Variants in CEP192 observed in about 807,000 individuals in gnomAD.
The protein encoded by CEP192 is centrosomal protein 192, also known as centrosomal protein of 192 kDa.
CEP192 carries 151 observed loss-of-function variants against 271.8 expected under a neutral mutation model. That is an observed-to-expected ratio of 0.56 (90% CI 0.49 to 0.64). The LOEUF (loss-of-function observed/expected upper bound fraction) is 0.64. CEP192 is among the 30% of genes least tolerant of loss of function. CEP192 has a pLI of 0.00. For missense variants in CEP192, 2,910 were observed against 3,020.5 expected (o/e 0.96, Z 0.86); for synonymous variants, 995 against 1,076.5 (o/e 0.92, Z 1.48).
At chr18:13,072,901 C>T (rs1207260105) in intron 29 of CEP192, 56 bp downstream of exon 29, 3 of 1,517,100 alleles carry the variant, frequency 2.0e-6, no homozygotes, top group East Asian at 2.3e-5. Flanking sequence ...GGAACACTTG[C>T]ATATGCAGAC....
intron 9 of CEP192, among the ~76,000 whole-genome samples, chr18:13,025,419 G>A (rs1362414351): frequency 1.3e-5 from 2 of 151,998 alleles, no homozygotes; most frequent in Non-Finnish European, 2.9e-5. Flanking sequence ...GTCTTGCTAT[G>A]TTGCCCAGTC....
At chr18:13,046,567 A>G (rs772170511) in intron 15 of CEP192, among the ~76,000 whole-genome samples, 15 of 151,892 alleles carry the variant, frequency 9.9e-5, no homozygotes, top group Non-Finnish European at 2.1e-4. Context: ...ATATATTTAT[A>G]TTATTTTAAT....
At chr18:13,057,532 A>G (rs1039893347) in intron 19 of CEP192, 53 bp from the exon 20 acceptor site, 13 of 1,593,796 alleles carry the variant, frequency 8.2e-6, no homozygotes, top group Non-Finnish European at 1.0e-5. Flanking sequence ...TTTGGCTTAT[A>G]ATCAGGGGTT....
At chr18:13,041,430 A>C (rs961735572) in intron 14 of CEP192, among the ~76,000 whole-genome samples, 4 of 152,164 alleles carry the variant, frequency 2.6e-5, no homozygotes, top group African/African-American at 9.7e-5. Flanking sequence ...ATAAAGTTGT[A>C]TAAGATATGC....
At chr18:13,109,012 A>G (rs1037127890) in intron 40 of CEP192, among the ~76,000 whole-genome samples, 2 of 152,262 alleles carry the variant, frequency 1.3e-5, no homozygotes, top group Non-Finnish European at 2.9e-5. Context: ...AAGAACTTAG[A>G]GCTACTATTC....
At chr18:13,092,974 GA>G (rs1178188616) in intron 34 of CEP192, among the ~76,000 whole-genome samples, 1 of 151,984 alleles carries the variant, frequency 6.6e-6, no homozygotes. Flanking sequence ...CTAACACAGT[GA>G]AACCCCGTCT....
rs886231875 is a variant in CEP192, at chr18:13,095,671, T to G, written c.6423T>G (p.Ala2141=). 5 of 1,612,296 alleles carry G rather than the reference T, an allele frequency of 3.1e-6. No homozygotes were observed. In the Admixed American group the frequency reaches 5.0e-5, roughly 16 times the overall value. The change falls in exon 35 of 45, where the codon GCT becomes GCG. Residue 2141 remains alanine, a synonymous_variant. Transcript: ENST00000506447. ...TACCCGAGCACTTGATTCTGGTAGC[T>G]CCTTCTCCTTGTGAGTATGTCAACT... ...TVLPEHLILV[A]PSPCDMAKTG...
chr18:13,100,610 T>C, intron 38 of CEP192, 98 bp downstream of exon 38: 1 of 951,364 alleles, frequency 1.1e-6, no homozygotes, highest in Non-Finnish European at 1.6e-6. Flanking sequence ...ATAAATTTCC[T>C]CCTACTTCAG....
intron 12 of CEP192, 144 bp downstream of exon 12, chr18:13,037,445 T>C: frequency 2.0e-6 from 1 of 488,574 alleles, no homozygotes; most frequent in Non-Finnish European, 3.6e-6. Flanking sequence ...TTCTGCTTTT[T>C]CCCTCATACT....
At chr18:12,995,586 A>G (rs1221807452) in intron 1 of CEP192, among the ~76,000 whole-genome samples, 1 of 152,214 alleles carries the variant, frequency 6.6e-6, no homozygotes, top group Non-Finnish European at 1.5e-5. Context: ...TGCAGTGGCA[A>G]ACCAAATGGG....
At chr18:13,095,446 TA>T (rs1351073527) in intron 34 of CEP192, 56 bp from the exon 35 acceptor site, 4 of 1,354,698 alleles carry the variant, frequency 3.0e-6, no homozygotes, top group Admixed American at 4.4e-5. Context: ...TTATCATTTT[TA>T]ACTTCTCAGT....
At position 13,086,930 on chromosome 18, in the gene CEP192, T is replaced by C. The variant is rs975904382; in HGVS notation, c.5617-87T>C. 7.5e-6 allele frequency: 7 copies of C among 930,848 alleles called. No individual in the cohort carries two copies. The African/African-American group carries it at 1.0e-4, about 13-fold the overall frequency. 57.7% of individuals were successfully genotyped at this position (930,848 alleles called of 1,614,324 possible). On this transcript the variant is annotated intron_variant, in intron 30 of 44. Coordinates refer to ENST00000506447, the MANE Select transcript of CEP192 (RefSeq NM_032142.4). ...CATTTAAATTTTTAATTGTATTAAA[T>C]CTTTCTGAATTTTCTTCTCACTGTA...
chr18:13,067,957 G>C lies in CEP192; in HGVS notation c.4614+1G>C. The C allele has an allele frequency of 1.2e-6, 2 of 1,607,086 alleles. No individual in the cohort carries two copies. The highest frequency in any genetic ancestry group is 1.7e-6 in the Non-Finnish European group (2 of 1,174,206). On this transcript the variant is annotated splice_donor_variant, in intron 22 of 44. Transcript: ENST00000506447. LOFTEE classifies it high-confidence loss of function. Reference sequence around the variant, plus strand: ...GCCAATTAGACTGATTATTAATGCTGTAAGTATGAACATACAGTAAGAAAC... The same window carrying C: ...GCCAATTAGACTGATTATTAATGCTCTAAGTATGAACATACAGTAAGAAAC...
At position 13,056,112 on chromosome 18, in the gene CEP192, T is replaced by C. The variant is rs2037082283; in HGVS notation, c.3522T>C (p.Gly1174=). 1 of 1,613,146 alleles carries C rather than the reference T, an allele frequency of 6.2e-7. No homozygotes were observed. The highest frequency in any genetic ancestry group is 1.3e-5 in the African/African-American group (1 of 74,920). The change falls in exon 19 of 45, where the codon GGT becomes GGC. Residue 1174 remains glycine (G), a synonymous_variant. Coordinates refer to ENST00000506447, the MANE Select transcript of CEP192 (RefSeq NM_032142.4). ...GGCTGGCTCTCCTGGGCAAGTCAGGTCTGAGCTGTCAGGTGGGGTCAGCCA... is the reference window on the plus strand; with the variant it reads ...GGCTGGCTCTCCTGGGCAAGTCAGGCCTGAGCTGTCAGGTGGGGTCAGCCA... ...PIRLALLGKS[G]LSCQVGSATS...
chr18:13,102,581 A>G (rs897832357), intron 38 of CEP192, among the ~76,000 whole-genome samples: 1 of 152,004 alleles, frequency 6.6e-6, no homozygotes, highest in Non-Finnish European at 1.5e-5. Flanking sequence ...CATGTGCCAA[A>G]TCCAGGGTCC....
chr18:13,081,177 CT>C (rs1261212612), intron 30 of CEP192, among the ~76,000 whole-genome samples: 1 of 152,160 alleles, frequency 6.6e-6, no homozygotes, highest in East Asian at 1.9e-4. Context: ...GGAGGATTCT[CT>C]TTTTTTCTAT....
intron 21 of CEP192, among the ~76,000 whole-genome samples, chr18:13,063,217 T>C (rs2037504050): frequency 6.6e-6 from 1 of 152,208 alleles, no homozygotes; most frequent in Non-Finnish European, 1.5e-5. Context: ...TTTCCTTTCT[T>C]TTGGGTATCT....
intron 19 of CEP192, 149 bp from the exon 20 acceptor site, chr18:13,057,436 A>C: frequency 1.3e-6 from 1 of 750,482 alleles, no homozygotes; most frequent in Non-Finnish European, 2.0e-6. Flanking sequence ...AGGCTCATGC[A>C]ACATCAAGGA....
intron 13 of CEP192, among the ~76,000 whole-genome samples, chr18:13,039,030 C>A (rs533050358): frequency 6.6e-6 from 1 of 152,128 alleles, no homozygotes; most frequent in African/African-American, 2.4e-5. Context: ...AATGCATGTA[C>A]AATTAAAAAG....
Sources: allele counts gnomAD v4.1 joint callset (sites outside exome capture counted in the v4.1 genomes callset), GRCh38; gene constraint gnomAD v4.1.1; transcripts MANE v1.5; gene names NCBI Gene and HGNC (gene_info 2026-07-23, HGNC 2026-07-21).